Variants in TRABD2B observed in about 807,000 individuals in gnomAD.
The protein encoded by TRABD2B is TraB domain containing 2B.
In TRABD2B, 14 loss-of-function variants were observed where a neutral mutation model predicts 40.1. The ratio of observed to expected loss-of-function variants is 0.35; its 90% CI spans 0.23 to 0.55. The LOEUF is 0.55. TRABD2B is among the 20% of genes least tolerant of loss of function. TRABD2B has a pLI of 0.90. For missense variants in TRABD2B, 541 were observed against 648.6 expected (o/e 0.83, Z 1.80); for synonymous variants, 263 against 277.0 (o/e 0.95, Z 0.50).
rs1645483731 is a variant in TRABD2B at position 47,959,850 on chromosome 1, A to T, written c.666+34184T>A. On this transcript the variant is annotated intron_variant, in intron 2 of 6. Transcript: ENST00000606738. ...CAATAGAAAAAGGGAATCCTCCCTAACTCATTTTATGAGGCCAGCATCATC... is the reference window on the plus strand; with the variant it reads ...CAATAGAAAAAGGGAATCCTCCCTATCTCATTTTATGAGGCCAGCATCATC... 2.0e-5 allele frequency among the ~76,000 whole-genome samples: 3 copies of T among 152,190 alleles called. No individual in the cohort carries two copies. The South Asian group carries it at 6.2e-4, about 32-fold the overall frequency.
chr1:47,874,552 G>A lies in TRABD2B; in HGVS notation c.667-72933C>T, dbSNP rs564022354. On this transcript the variant is annotated intron_variant, in intron 2 of 6. Transcript: ENST00000606738. ...CTCCCAAAGTGCTGGGATTACAGGC[G>A]TGAGCCACCGCGCCCGGCCTTTTTT... is the stretch of plus-strand genomic sequence containing the variant. 4.6e-3 allele frequency among the ~76,000 whole-genome samples: 669 copies of A among 146,890 alleles called. 4 individuals are homozygous for A. The highest frequency in any genetic ancestry group is 0.016 in the African/African-American group (653 of 40,006).
chr1:47,839,585 A>G (rs895727665), intron 2 of TRABD2B, among the ~76,000 whole-genome samples: 2 of 152,198 alleles, frequency 1.3e-5, no homozygotes, highest in African/African-American at 4.8e-5. Context: ...GAGGGAATTT[A>G]TGAAATGCAA....
At chr1:47,862,533 C>G (rs975848895) in intron 2 of TRABD2B, among the ~76,000 whole-genome samples, 5 of 143,836 alleles carry the variant, frequency 3.5e-5, no homozygotes, top group African/African-American at 1.3e-4. Flanking sequence ...ATAAATCTAA[C>G]AAAATATGCA....
chr1:47,881,437 C>A (rs1201164796), intron 2 of TRABD2B, among the ~76,000 whole-genome samples: 1 of 152,204 alleles, frequency 6.6e-6, no homozygotes, highest in Non-Finnish European at 1.5e-5. Context: ...ACACCAGGAA[C>A]TCTGCTAAGA....
At chr1:47,941,520 C>G (rs1258118914) in intron 2 of TRABD2B, among the ~76,000 whole-genome samples, 2 of 152,230 alleles carry the variant, frequency 1.3e-5, no homozygotes, top group South Asian at 4.1e-4. Flanking sequence ...ACATTGAGAA[C>G]TGGGAAACCT....
In TRABD2B at chr1:47,763,338, T is replaced by A. The variant is rs1210393685; in HGVS notation, c.*2564A>T. 6.6e-6 allele frequency: 1 copy of A among 152,256 alleles called. No homozygotes were observed. The highest frequency in any genetic ancestry group is 2.4e-5 in the African/African-American group (1 of 41,468). 9.4% of individuals were successfully genotyped at this position (152,256 alleles called of 1,614,324 possible). A position where few individuals can be genotyped will look rare whatever the true frequency, so the allele number is the denominator to read the frequency against. Reference sequence around the variant, plus strand: ...GCTCTTGCTCTCCTGTAGGTACATGTCTACTCCATCGGTTAGTCTAGCCAT... The same window carrying A: ...GCTCTTGCTCTCCTGTAGGTACATGACTACTCCATCGGTTAGTCTAGCCAT... On this transcript the variant is annotated 3_prime_UTR_variant, in exon 7 of 7. Transcript: ENST00000606738.
chr1:47,951,128 C>T (rs1040166464), intron 2 of TRABD2B, among the ~76,000 whole-genome samples: 1 of 152,168 alleles, frequency 6.6e-6, no homozygotes, highest in African/African-American at 2.4e-5. Flanking sequence ...CTTCAGGCGT[C>T]GACTCTCCTT....
At chr1:47,794,512 A>G in intron 4 of TRABD2B, 74 bp downstream of exon 4, 1 of 1,408,436 alleles carries the variant, frequency 7.1e-7, no homozygotes, top group Non-Finnish European at 9.3e-7. Context: ...CCCTCGATGA[A>G]GTAGAGGTTA....
At chr1:47,986,962 T>C (rs571711531) in intron 2 of TRABD2B, among the ~76,000 whole-genome samples, 1 of 152,184 alleles carries the variant, frequency 6.6e-6, no homozygotes, top group South Asian at 2.1e-4. Flanking sequence ...GTGGATAATA[T>C]TTAGAAGCAA....
chr1:47,828,588 T>C (rs72894205), intron 2 of TRABD2B, among the ~76,000 whole-genome samples: 11,669 of 152,276 alleles, frequency 0.077, 1,038 homozygotes, highest in East Asian at 0.21. Context: ...GGCCAGAGCA[T>C]GCCGAGGCCA....
Position 47,866,520 on chromosome 1 carries a change from G to A in TRABD2B, c.667-64901C>T, listed in dbSNP as rs115302151. On this transcript the variant is annotated intron_variant, in intron 2 of 6. Transcript: ENST00000606738. ...CTGTGAGAGGGAAGACACTGGCTCA[G>A]TTTCCTTGATGCTTCTGAACCACTG... is the stretch of plus-strand genomic sequence containing the variant. Among the ~76,000 whole-genome samples, 1,131 of 152,268 alleles carry A rather than the reference G, an allele frequency of 7.4e-3. 9 individuals are homozygous for A. Among genetic ancestry groups the A allele is most frequent in the African/African-American group, 0.025 (1,042 of 41,544 alleles).
intron 2 of TRABD2B, among the ~76,000 whole-genome samples, chr1:47,944,642 G>A (rs943038366): frequency 3.9e-5 from 6 of 152,134 alleles, no homozygotes; most frequent in South Asian, 4.2e-4. Context: ...AAGAAGCTCC[G>A]GTGCAAAAAT....
chr1:47,991,871 T>G (rs6676465), intron 2 of TRABD2B, among the ~76,000 whole-genome samples: 54,815 of 152,088 alleles, frequency 0.36, 10,398 homozygotes, highest in African/African-American at 0.47. Flanking sequence ...GTAATTTTAC[T>G]GAGAAGGCTG....
At chr1:47,934,037 G>A (rs1004020560) in intron 2 of TRABD2B, among the ~76,000 whole-genome samples, 1 of 152,228 alleles carries the variant, frequency 6.6e-6, no homozygotes, top group African/African-American at 2.4e-5. Context: ...TAGAAAGAAG[G>A]GGTTGGGGAA....
intron 2 of TRABD2B, among the ~76,000 whole-genome samples, chr1:47,896,237 G>A (rs999299089): frequency 1.3e-5 from 2 of 152,244 alleles, no homozygotes; most frequent in Non-Finnish European, 2.9e-5. Context: ...GATGGCAGAG[G>A]GAAGCCAGCG....
chr1:47,852,072 G>A (rs1443093281), intron 2 of TRABD2B, among the ~76,000 whole-genome samples: 4 of 152,192 alleles, frequency 2.6e-5, no homozygotes, highest in African/African-American at 9.7e-5. Context: ...TCTGTGCTAA[G>A]GGAAAGGAAA....
chr1:47,783,078 G>C (rs1413477082), intron 4 of TRABD2B, among the ~76,000 whole-genome samples: 1 of 152,116 alleles, frequency 6.6e-6, no homozygotes, highest in Non-Finnish European at 1.5e-5. Flanking sequence ...ACAAAGAGAG[G>C]GAGAGAGGAG....
intron 5 of TRABD2B, 38 bp downstream of exon 5, chr1:47,778,416 G>T: frequency 1.4e-6 from 2 of 1,442,428 alleles, no homozygotes; most frequent in Non-Finnish European, 1.9e-6. Flanking sequence ...AGGAAGGCAG[G>T]GTCAGTGAGG....
At chr1:47,921,153 C>T (rs1327394095) in intron 2 of TRABD2B, among the ~76,000 whole-genome samples, 1 of 152,210 alleles carries the variant, frequency 6.6e-6, no homozygotes, top group East Asian at 1.9e-4. Flanking sequence ...AAACCTTTCC[C>T]TGCCACATCT....
Sources: gnomAD v4.1 joint callset for allele counts (sites outside exome capture counted in the v4.1 genomes callset) on GRCh38, gnomAD v4.1.1 for gene constraint, MANE v1.5 for transcripts, NCBI Gene and HGNC (gene_info 2026-07-23, HGNC 2026-07-21) for gene names.